MAST2: variants seen among roughly 807,000 people sequenced by gnomAD.
MAST2 encodes microtubule-associated serine/threonine-protein kinase 2.
In MAST2, 70 loss-of-function variants were observed where a neutral mutation model predicts 147.4. That is an observed-to-expected ratio of 0.47 (90% confidence interval 0.39 to 0.58). MAST2 has a LOEUF of 0.58. Ranked by LOEUF, MAST2 falls within the 20% of genes least tolerant of loss-of-function variation. The pLI is 0.00. For missense variants in MAST2, 2,080 were observed against 2,302.3 expected (o/e 0.90, Z 1.98); for synonymous variants, 869 against 896.8 (o/e 0.97, Z 0.55).
At chr1:46,024,087 T>C (rs1009046242) in intron 15 of MAST2, 107 bp downstream of exon 15, 13 of 1,070,758 alleles carry the variant, frequency 1.2e-5, no homozygotes, top group South Asian at 8.1e-5. Flanking sequence ...AGGGCCCAGC[T>C]TTCCAGTCCA....
chr1:45,919,907 G>T (rs776438609), intron 4 of MAST2, among the ~76,000 whole-genome samples: 16 of 151,684 alleles, frequency 1.1e-4, no homozygotes, highest in Non-Finnish European at 1.8e-4. Context: ...GATATGACAA[G>T]ATTATTTTAG....
At chr1:45,992,182 A>T (rs1167336562) in intron 5 of MAST2, among the ~76,000 whole-genome samples, 4 of 152,186 alleles carry the variant, frequency 2.6e-5, no homozygotes, top group Non-Finnish European at 5.9e-5. Context: ...TGTCTTCTGT[A>T]GATGTTCTTG....
intron 3 of MAST2, among the ~76,000 whole-genome samples, chr1:45,844,331 C>T (rs528184845): frequency 1.3e-5 from 2 of 151,768 alleles, no homozygotes; most frequent in Admixed American, 1.3e-4. Context: ...TTCACTCTTG[C>T]TGCCCAGGCT....
intron 2 of MAST2, among the ~76,000 whole-genome samples, chr1:45,825,967 C>G (rs901291089): frequency 1.3e-5 from 2 of 151,970 alleles, no homozygotes; most frequent in African/African-American, 4.8e-5. Flanking sequence ...ATCCCAGCCA[C>G]TCCGGAGGCT....
At chr1:45,975,030 A>G (rs1300839625) in intron 5 of MAST2, among the ~76,000 whole-genome samples, 1 of 152,152 alleles carries the variant, frequency 6.6e-6, no homozygotes, top group Non-Finnish European at 1.5e-5. Context: ...ACAGAGGGAG[A>G]ATGCCTGAAG....
chr1:45,981,958 A>G (rs1433097207), intron 5 of MAST2, among the ~76,000 whole-genome samples: 2 of 150,588 alleles, frequency 1.3e-5, no homozygotes, highest in Admixed American at 1.3e-4. Context: ...CCCCTGCCTC[A>G]GCCTCAGCCT....
chr1:45,816,675 AATTT>A (rs780216222), intron 1 of MAST2, among the ~76,000 whole-genome samples: 1 of 151,916 alleles, frequency 6.6e-6, no homozygotes, highest in African/African-American at 2.4e-5. Flanking sequence ...CAGAAGAAAG[AATTT>A]ATTTATTTAT....
chr1:45,883,612 G>T (rs1042134177), intron 4 of MAST2, among the ~76,000 whole-genome samples: 5 of 152,072 alleles, frequency 3.3e-5, no homozygotes, highest in African/African-American at 1.2e-4. Flanking sequence ...CTTAATATAT[G>T]TATAGTGCTT....
chr1:46,034,783 C>G lies in MAST2; in HGVS notation c.4114C>G (p.Gln1372Glu). The change falls in exon 29 of 29, where the codon CAG becomes GAG. Residue 1372 changes from glutamine (Q) to glutamate (E), a missense_variant. Around this residue, in one of 4 missense-constraint regions of MAST2, gnomAD observed 1,278 missense variants for 1,304.2 expected, o/e 0.98. Transcript: ENST00000361297. ...ATCGCCCCTGTCTGGCCATGTAGCC[C>G]AGGCCTTTCCCACAAAGCTTCACTT... is the stretch of plus-strand genomic sequence containing the variant. ...SPSPLSGHVA[Q>E]AFPTKLHLSP... 1 of 1,614,010 alleles carries G rather than the reference C, an allele frequency of 6.2e-7. No homozygotes were observed. Among genetic ancestry groups the G allele is most frequent in the Non-Finnish European group, 8.5e-7 (1 of 1,180,030 alleles).
chr1:45,849,526 TTTTC>T (rs1421485033), intron 3 of MAST2, among the ~76,000 whole-genome samples: 1 of 35,994 alleles, frequency 2.8e-5, no homozygotes, highest in African/African-American at 8.4e-5. Context: ...GGACCCCCTC[TTTTC>T]TTTTTTTTTT....
intron 3 of MAST2, among the ~76,000 whole-genome samples, chr1:45,842,822 G>A (rs1305500845): frequency 1.3e-5 from 2 of 152,118 alleles, no homozygotes; most frequent in Non-Finnish European, 2.9e-5. Flanking sequence ...GAATCACAAA[G>A]AAATACGGTA....
intron 4 of MAST2, among the ~76,000 whole-genome samples, chr1:45,887,656 A>T (rs1362982851): frequency 6.6e-6 from 1 of 152,198 alleles, no homozygotes; most frequent in African/African-American, 2.4e-5. Flanking sequence ...TGATGCCTGG[A>T]TCAATGCTTC....
chr1:45,894,772 C>T (rs1648456900), intron 4 of MAST2, among the ~76,000 whole-genome samples: 1 of 152,080 alleles, frequency 6.6e-6, no homozygotes, highest in South Asian at 2.1e-4. Context: ...TACTTGAGTA[C>T]AAGTTTTAGG....
At chr1:45,817,402 C>T (rs747994579) in intron 1 of MAST2, among the ~76,000 whole-genome samples, 6 of 152,244 alleles carry the variant, frequency 3.9e-5, no homozygotes, top group Non-Finnish European at 7.4e-5. Flanking sequence ...AAACCCCTTA[C>T]AGGCCAAGAG....
chr1:45,956,231 A>G (rs1185438953), intron 4 of MAST2, among the ~76,000 whole-genome samples: 1 of 152,068 alleles, frequency 6.6e-6, no homozygotes, highest in Non-Finnish European at 1.5e-5. Flanking sequence ...ACCTCTCCCA[A>G]TGGATAGATG....
intron 3 of MAST2, among the ~76,000 whole-genome samples, chr1:45,839,832 A>C (rs936996694): frequency 2.6e-5 from 4 of 152,234 alleles, no homozygotes; most frequent in African/African-American, 9.6e-5. Flanking sequence ...ATAGATATAT[A>C]GATCACTGGA....
intron 1 of MAST2, among the ~76,000 whole-genome samples, chr1:45,808,044 C>T (rs1185276224): frequency 6.6e-6 from 1 of 152,064 alleles, no homozygotes. Flanking sequence ...TGACATGGAA[C>T]AGTGCTTGTT....
At position 45,829,479 on chromosome 1, in the gene MAST2, TGTGGGACAGGTGACTTGGCAGTC is replaced by T. The variant is rs1359680021; in HGVS notation, c.369_391del (p.Gly124ArgfsTer41). 1.2e-6 allele frequency: 2 copies of T among 1,614,204 alleles called. No individual in the cohort carries two copies. Among genetic ancestry groups the T allele is most frequent in the Non-Finnish European group, 1.7e-6 (2 of 1,180,032 alleles). On this transcript the variant is annotated frameshift_variant, in exon 3 of 29. Coordinates refer to ENST00000361297, the MANE Select transcript of MAST2 (RefSeq NM_015112.3). LOFTEE classifies it high-confidence loss of function. Reference sequence around the variant, plus strand: ...CTTTGTCCAGCAGTGTACATAGCAGTGTGGGACAGGTGACTTGGCAGTCGTCAGGAGAAGCATCAAACCTGGTT... The same window carrying T: ...CTTTGTCCAGCAGTGTACATAGCAGTGTCAGGAGAAGCATCAAACCTGGTT...
rs560929524 is a variant in MAST2, at chr1:45,921,393, G to A, written c.501-37993G>A. ...TGTGGCTGGTGACGCTTTTGCCTGA[G>A]CTTTGTTTGCTCAGGCCTGCTGGGC... is the stretch of plus-strand genomic sequence containing the variant. On this transcript the variant is annotated intron_variant, in intron 4 of 28. Transcript: ENST00000361297. Among the ~76,000 whole-genome samples, 8 of 152,268 alleles carry A rather than the reference G, an allele frequency of 5.3e-5. No individual in the cohort carries two copies. In the South Asian group the frequency reaches 6.2e-4, roughly 12 times the overall value.
Sources: gnomAD v4.1 joint callset for allele counts (sites outside exome capture counted in the v4.1 genomes callset) on GRCh38, gnomAD v4.1.1 for gene constraint, gnomAD v4.1.1 regional missense constraint, MANE v1.5 for transcripts, NCBI Gene and HGNC (gene_info 2026-07-23, HGNC 2026-07-21) for gene names.